PPL: variants seen among roughly 807,000 people sequenced by gnomAD.
PPL encodes periplakin.
Under a neutral mutation model 194.4 loss-of-function variants are expected in PPL, and 198 were observed. That is an observed-to-expected ratio of 1.02 (90% CI 0.91 to 1.15). The LOEUF (loss-of-function observed/expected upper bound fraction) is 1.15, where lower values mean the gene tolerates loss of function less well. Ranked by LOEUF, PPL falls within the 50% of genes most tolerant of loss-of-function variation. PPL has a pLI of 0.00. For missense variants in PPL, 2,885 were observed against 2,294.8 expected (o/e 1.26, Z -5.25); for synonymous variants, 1,220 against 972.4 (o/e 1.25, Z -4.74).
intron 6 of PPL, among the ~76,000 whole-genome samples, chr16:4,900,448 TTTTTTTTTA>T (rs1313371525): frequency 3.3e-5 from 4 of 121,942 alleles, no homozygotes; most frequent in South Asian, 2.8e-4. Flanking sequence ...TTTTTTTTTT[TTTTTTTTTA>T]AAGGCAGGGT....
chr16:4,916,803 C>T (rs1185448137), intron 1 of PPL, among the ~76,000 whole-genome samples: 1 of 152,076 alleles, frequency 6.6e-6, no homozygotes, highest in Non-Finnish European at 1.5e-5. Flanking sequence ...CTGCACCCAG[C>T]CCACCCCTAC....
intron 1 of PPL, among the ~76,000 whole-genome samples, chr16:4,929,235 C>G (rs192812941): frequency 6.6e-6 from 1 of 152,146 alleles, no homozygotes; most frequent in Non-Finnish European, 1.5e-5. Context: ...CTCTCACTTC[C>G]TTGCAGAGAC....
rs773170943 is a variant in PPL at position 4,895,705 on chromosome 16, G to A, written c.984C>T (p.Asp328=). The change falls in exon 10 of 22, where the codon GAC becomes GAT. Residue 328 remains aspartate, a synonymous_variant. Transcript: ENST00000345988. ...GCAGCAGCTCCTGAGCGTCCTTCAC[G>A]TCTTCGTGAAACTAGGGGAGAAGGT... ...YMEDYHQFHE[D]VKDAQELLRK... The A allele has an allele frequency of 4.3e-6, 7 of 1,613,920 alleles. No individual in the cohort carries two copies. Among genetic ancestry groups the A allele is most frequent in the Non-Finnish European group, 5.1e-6 (6 of 1,180,014 alleles).
chr16:4,899,525 T>TGGGTGGCCTGAGGACAAGCCCAGCTG, intron 6 of PPL, 141 bp from the exon 7 acceptor site: 3 of 587,320 alleles, frequency 5.1e-6, no homozygotes, highest in Non-Finnish European at 7.1e-6. Context: ...AAGCCCAGCT[T>TGGGTGGCCTGAGGACAAGCCCAGCTG]AGCCACGTCC....
Position 4,892,120 on chromosome 16 carries a change from T to C in PPL, c.1744A>G (p.Thr582Ala). 6.2e-7 allele frequency: 1 copy of C among 1,613,446 alleles called. No homozygotes were observed. The highest frequency in any genetic ancestry group is 8.5e-7 in the Non-Finnish European group (1 of 1,179,722). The change falls in exon 15 of 22, where the codon ACC (threonine) becomes GCC (alanine). Residue 582 changes from threonine (T) to alanine (A), a missense_variant. Transcript: ENST00000345988. The stretch of plus-strand genomic sequence containing the variant: ...ACCCGGGTCCTCAGCAGGGGTGTGG[T>C]GCCACTGCCTGGGAGGGCCTGGATG... ...AFIQALPGSG[T>A]TPLLRTRVED...
chr16:4,931,658 C>T (rs1388093426), intron 1 of PPL, among the ~76,000 whole-genome samples: 1 of 152,190 alleles, frequency 6.6e-6, no homozygotes, highest in Non-Finnish European at 1.5e-5. Flanking sequence ...CGCTGGGAAG[C>T]CAGGGTTCTC....
chr16:4,936,952 G>T, intron 1 of PPL, 32 bp downstream of exon 1: 1 of 1,575,536 alleles, frequency 6.3e-7, no homozygotes, highest in Non-Finnish European at 8.6e-7. Context: ...GGGCAAGAGC[G>T]TCCCGGAGCG....
At chr16:4,927,383 G>T (rs774658053) in intron 1 of PPL, among the ~76,000 whole-genome samples, 1 of 152,208 alleles carries the variant, frequency 6.6e-6, no homozygotes, top group Non-Finnish European at 1.5e-5. Flanking sequence ...ATGATGTCTG[G>T]ACCCATGTCC....
intron 17 of PPL, 138 bp downstream of exon 17, chr16:4,890,590 C>G (rs1290599690): frequency 8.8e-7 from 1 of 1,135,478 alleles, no homozygotes; most frequent in Non-Finnish European, 1.2e-6. Context: ...AGAGAGACCA[C>G]AGGGCCGTCA....
At position 4,883,904 on chromosome 16, in the gene PPL, G is replaced by A. The variant is rs768926495; in HGVS notation, c.4751C>T (p.Ser1584Leu). The A allele has an allele frequency of 1.1e-5, 17 of 1,613,958 alleles. No individual in the cohort carries two copies. The highest frequency in any genetic ancestry group is 1.4e-5 in the Non-Finnish European group (16 of 1,180,024). ...NLQLETRRLQ[S>L]EINMAATETR... ...TTCCGTCGCTGCCATGTTGATTTCC[G>A]ATTGGAGCCTTCGGGTCTCCAGCTG... The change falls in exon 22 of 22, where the codon TCG becomes TTG. Residue 1584 changes from serine to leucine, a missense_variant. Transcript: ENST00000345988. The surrounding 1 kb of genome is among the most constrained non-coding windows in gnomAD (Gnocchi z 4.8).
chr16:4,885,338 G>T lies in PPL; in HGVS notation c.3317C>A (p.Ala1106Asp). The T allele has an allele frequency of 6.2e-7, 1 of 1,612,430 alleles. No homozygotes were observed. The highest frequency in any genetic ancestry group is 1.1e-5 in the South Asian group (1 of 91,052). ...DKLKRLEKER[A>D]MAEGKITVKE... ...GACGGTGATCTTGCCCTCGGCCATG[G>T]CCCGCTCCTTCTCTAGCCTCTTGAG... Residue 1106 changes from alanine (A) to aspartate (D), a missense_variant, in exon 22 of 22, where the codon GCC (alanine) becomes GAC (aspartate). By Grantham distance (126) the Ala-to-Asp change is moderately radical (BLOSUM62 -2). Coordinates refer to ENST00000345988, the MANE Select transcript of PPL (RefSeq NM_002705.5). The surrounding 1 kb of genome is among the most constrained non-coding windows in gnomAD (Gnocchi z 6.3).
intron 2 of PPL, among the ~76,000 whole-genome samples, chr16:4,907,308 T>TCACACACACACACACACA (rs56210938): frequency 1.4e-5 from 2 of 145,636 alleles, no homozygotes; most frequent in African/African-American, 5.2e-5. Context: ...ATATCTAATC[T>TCACACACACACACACACA]CACACACACA....
chr16:4,888,912 C>G (rs559978035), intron 19 of PPL, 66 bp downstream of exon 19: 1 of 1,514,286 alleles, frequency 6.6e-7, no homozygotes, highest in Non-Finnish European at 9.2e-7. Context: ...TGCTGCTTCT[C>G]TGACCAGGGC....
chr16:4,895,761 G>T (rs937136676), intron 9 of PPL, 45 bp from the exon 10 acceptor site: 1 of 1,612,518 alleles, frequency 6.2e-7, no homozygotes, highest in Non-Finnish European at 8.5e-7. Flanking sequence ...ACCACTAGAA[G>T]CACCTGGGCT....
chr16:4,884,602 C>T lies in PPL; in HGVS notation c.4053G>A (p.Val1351=), dbSNP rs753356153. The T allele has an allele frequency of 3.1e-6, 5 of 1,614,086 alleles. No homozygotes were observed. The highest frequency in any genetic ancestry group is 2.7e-5 in the African/African-American group (2 of 74,952). ...EELSRVKERV[V]QQEVVRYEEE... is the part of the protein sequence containing the mutation. ...CCTCATACCTGACCACCTCCTGCTG[C>T]ACCACCCTTTCCTTCACCCGCGAGA... The change falls in exon 22 of 22, where the codon GTG becomes GTA. Residue 1351 remains valine, a synonymous_variant. Transcript: ENST00000345988. This position sits in a 1 kb window ranked among gnomAD's most constrained non-coding sequence, Gnocchi z 5.7.
intron 11 of PPL, among the ~76,000 whole-genome samples, chr16:4,895,060 G>A (rs111805200): frequency 2.6e-5 from 4 of 152,172 alleles, no homozygotes; most frequent in Non-Finnish European, 4.4e-5. Context: ...TTGCTAAGCT[G>A]GTGGAACACA....
chr16:4,895,777 C>G, intron 9 of PPL, 61 bp from the exon 10 acceptor site: 1 of 1,609,128 alleles, frequency 6.2e-7, no homozygotes, highest in Non-Finnish European at 8.5e-7. Context: ...GGGCTTCTGT[C>G]GGAGGCTTCA....
rs758648067 is a variant in PPL, at chr16:4,895,418, C to A, written c.1096-11G>T. 2 of 1,611,784 alleles carry A rather than the reference C, an allele frequency of 1.2e-6. No individual in the cohort carries two copies. Among genetic ancestry groups the A allele is most frequent in the South Asian group, 2.2e-5 (2 of 91,046 alleles). The stretch of plus-strand genomic sequence containing the variant: ...CACCTTCTCCTGGTCCTGGAGAGAA[C>A]GGGGTCAGGGGCCCAGGTGAGACCA... On this transcript the variant is annotated splice_polypyrimidine_tract_variant and intron_variant, in intron 10 of 21. Coordinates refer to ENST00000345988, the MANE Select transcript of PPL (RefSeq NM_002705.5).
In PPL at chr16:4,884,462, T is replaced by G; in HGVS notation, c.4193A>C (p.Glu1398Ala). 5 of 1,602,518 alleles carry G rather than the reference T, an allele frequency of 3.1e-6. No homozygotes were observed. The highest frequency in any genetic ancestry group is 4.2e-6 in the Non-Finnish European group (5 of 1,177,272). ...ELRRLQRRRT[E>A]LERQLEELER... ...TAGCTCCTCCAGCTGCCGCTCAAGC[T>G]CGGTGCGCCGGCGCTGCAGCCGCCG... The change falls in exon 22 of 22, where the codon GAG (glutamate) becomes GCG (alanine). Residue 1398 changes from glutamate (E) to alanine (A), a missense_variant. Physicochemically the swap from Glu to Ala is moderately radical, Grantham distance 107. Transcript: ENST00000345988. The surrounding 1 kb of genome is among the most constrained non-coding windows in gnomAD (Gnocchi z 5.7).
Sources: allele counts gnomAD v4.1 joint callset (sites outside exome capture counted in the v4.1 genomes callset), GRCh38; gene constraint gnomAD v4.1.1; non-coding constraint Gnocchi (gnomAD v3.1); transcripts MANE v1.5; gene names NCBI Gene and HGNC (gene_info 2026-07-23, HGNC 2026-07-21).